FAM135B: variants seen among roughly 807,000 people sequenced by gnomAD.
The protein encoded by FAM135B is protein FAM135B.
Under a neutral mutation model 127.7 loss-of-function variants are expected in FAM135B, and 43 were observed. The ratio of observed to expected loss-of-function variants is 0.34; its 90% CI spans 0.26 to 0.43. The LOEUF is 0.43. Among genes scored for constraint, FAM135B ranks in the 20% least tolerant of loss-of-function variants. FAM135B has a pLI of 1.00. For synonymous variants in FAM135B, 670 were observed against 665.1 expected, an observed-to-expected ratio of 1.01 and a Z score of -0.11; for missense variants, 1,558 against 1,725.6, an observed-to-expected ratio of 0.90 and a Z score of 1.72.
At chr8:138,205,763 C>A (rs1057054989) in intron 7 of FAM135B, among the ~76,000 whole-genome samples, 2 of 151,970 alleles carry the variant, frequency 1.3e-5, no homozygotes, top group Admixed American at 6.5e-5. Flanking sequence ...GTCAAAGGTA[C>A]CAATGTTGTC....
intron 12 of FAM135B, among the ~76,000 whole-genome samples, chr8:138,165,200 A>G (rs1303021039): frequency 6.6e-6 from 1 of 151,404 alleles, no homozygotes; most frequent in African/African-American, 2.4e-5. Context: ...GGCTCATCAC[A>G]ACCTCTGCCT....
intron 2 of FAM135B, among the ~76,000 whole-genome samples, chr8:138,332,640 C>A (rs1223418737): frequency 1.3e-5 from 2 of 151,832 alleles, no homozygotes; most frequent in Non-Finnish European, 2.9e-5. Flanking sequence ...GAGGAGAAAC[C>A]CGGTGAAAAG....
chr8:138,178,336 G>A (rs1285414420), intron 10 of FAM135B, among the ~76,000 whole-genome samples, 199 bp downstream of exon 10: 1 of 152,120 alleles, frequency 6.6e-6, no homozygotes, highest in Non-Finnish European at 1.5e-5. Flanking sequence ...AGATTGCCAA[G>A]GCAAGTATTC....
chr8:138,488,752 C>T (rs950941726), intron 1 of FAM135B, among the ~76,000 whole-genome samples: 3 of 152,104 alleles, frequency 2.0e-5, no homozygotes, highest in African/African-American at 7.2e-5. Context: ...CTGCAACCTT[C>T]GCCTCCCAGG....
chr8:138,378,668 C>A (rs1335858534), intron 1 of FAM135B, among the ~76,000 whole-genome samples: 1 of 152,056 alleles, frequency 6.6e-6, no homozygotes, highest in Non-Finnish European at 1.5e-5. Context: ...AGGCATTCAC[C>A]CCCTTAATGT....
At chr8:138,339,975 T>A (rs1362504974) in intron 2 of FAM135B, among the ~76,000 whole-genome samples, 2 of 152,160 alleles carry the variant, frequency 1.3e-5, no homozygotes, top group Non-Finnish European at 2.9e-5. Flanking sequence ...TCTGAATTCC[T>A]CATATCTAAT....
chr8:138,209,673 G>A (rs1034437130), intron 7 of FAM135B, among the ~76,000 whole-genome samples: 3 of 152,132 alleles, frequency 2.0e-5, no homozygotes, highest in African/African-American at 7.2e-5. Flanking sequence ...TGCCCTTCAG[G>A]GAGATACAGG....
At chr8:138,446,753 T>C (rs562638727) in intron 1 of FAM135B, among the ~76,000 whole-genome samples, 34 of 151,996 alleles carry the variant, frequency 2.2e-4, no homozygotes, top group African/African-American at 8.0e-4. Context: ...GGGCAAGGAC[T>C]TCATGTCTAA....
chr8:138,431,018 A>G (rs1214478909), intron 1 of FAM135B, among the ~76,000 whole-genome samples: 1 of 152,208 alleles, frequency 6.6e-6, no homozygotes, highest in Admixed American at 6.5e-5. Flanking sequence ...TTCTATTAAT[A>G]TAATTAATTA....
intron 7 of FAM135B, among the ~76,000 whole-genome samples, chr8:138,226,599 T>C (rs1819471399): frequency 6.6e-6 from 1 of 152,100 alleles, no homozygotes. Flanking sequence ...ACTCTGTCGG[T>C]AGTGGAGGCT....
intron 1 of FAM135B, among the ~76,000 whole-genome samples, chr8:138,394,634 G>A (rs77174367): frequency 3.9e-5 from 6 of 152,168 alleles, no homozygotes; most frequent in Admixed American, 6.5e-5. Flanking sequence ...TCTGACTTCC[G>A]TGAATGTCAT....
At chr8:138,303,845 C>T (rs1209133150) in intron 3 of FAM135B, among the ~76,000 whole-genome samples, 1 of 152,138 alleles carries the variant, frequency 6.6e-6, no homozygotes, top group Non-Finnish European at 1.5e-5. Flanking sequence ...TCTACAGGGT[C>T]ATTCCTATCA....
chr8:138,427,798 A>G (rs576988636), intron 1 of FAM135B, among the ~76,000 whole-genome samples: 2 of 152,240 alleles, frequency 1.3e-5, no homozygotes, highest in South Asian at 2.1e-4. Context: ...ATCATTTTCC[A>G]TATTTTAATT....
intron 7 of FAM135B, among the ~76,000 whole-genome samples, chr8:138,228,678 C>T (rs1390275641): frequency 6.6e-6 from 1 of 152,134 alleles, no homozygotes; most frequent in East Asian, 1.9e-4. Context: ...TCTGGTTGCT[C>T]TTCGGAATTG....
At chr8:138,368,991 C>T (rs770292166) in intron 1 of FAM135B, among the ~76,000 whole-genome samples, 8 of 151,938 alleles carry the variant, frequency 5.3e-5, no homozygotes, top group Non-Finnish European at 1.0e-4. Flanking sequence ...ATTTTGCATG[C>T]AAGAAAAAAG....
intron 1 of FAM135B, among the ~76,000 whole-genome samples, chr8:138,408,483 GAA>G (rs1833663762): frequency 6.6e-6 from 1 of 152,134 alleles, no homozygotes; most frequent in South Asian, 2.1e-4. Flanking sequence ...CTATAGAATT[GAA>G]AAGAGTTAGG....
chr8:138,377,714 T>C (rs370135627), intron 1 of FAM135B, among the ~76,000 whole-genome samples: 1 of 152,316 alleles, frequency 6.6e-6, no homozygotes, highest in Middle Eastern at 3.4e-3. Context: ...ACCTAGCAAG[T>C]TCTTGAGATA....
intron 1 of FAM135B, chr8:138,438,353 A>T (rs1208944150): frequency 6.6e-6 from 1 of 152,112 alleles, no homozygotes; most frequent in Non-Finnish European, 1.5e-5. Flanking sequence ...AGCAAAAATA[A>T]TGTGGGGCAG....
intron 1 of FAM135B, among the ~76,000 whole-genome samples, chr8:138,465,340 G>A (rs921541883): frequency 3.9e-5 from 6 of 152,124 alleles, no homozygotes; most frequent in African/African-American, 1.4e-4. Flanking sequence ...GTGCTGCAAG[G>A]AGTCCATCAT....
Sources: allele counts gnomAD v4.1 joint callset (sites outside exome capture counted in the v4.1 genomes callset), GRCh38; gene constraint gnomAD v4.1.1; transcripts MANE v1.5; gene names NCBI Gene and HGNC (gene_info 2026-07-23, HGNC 2026-07-21).